MAML2: variants seen among roughly 807,000 people sequenced by gnomAD.
MAML2 encodes mastermind-like protein 2.
MAML2 carries 22 observed loss-of-function variants against 96.1 expected under a neutral mutation model. That is an observed-to-expected ratio of 0.23 (90% CI 0.16 to 0.33). The LOEUF (loss-of-function observed/expected upper bound fraction) is 0.33. MAML2 is among the 10% of genes least tolerant of loss of function. MAML2 has a pLI of 1.00. For synonymous variants in MAML2, 561 were observed against 521.3 expected, an observed-to-expected ratio of 1.08 and a Z score of -1.04; for missense variants, 1,367 against 1,392.4, an observed-to-expected ratio of 0.98 and a Z score of 0.29.
At chr11:96,240,809 A>T (rs549611366) in intron 1 of MAML2, among the ~76,000 whole-genome samples, 1 of 152,290 alleles carries the variant, frequency 6.6e-6, no homozygotes, top group Non-Finnish European at 1.5e-5. Flanking sequence ...AGTCTCATTG[A>T]AGTACGGAAT....
At chr11:96,258,302 A>G (rs1012737165) in intron 1 of MAML2, among the ~76,000 whole-genome samples, 2 of 152,160 alleles carry the variant, frequency 1.3e-5, no homozygotes, top group African/African-American at 4.8e-5. Flanking sequence ...AGTGGAATCC[A>G]CTCCTGACAT....
In MAML2 at chr11:96,093,122, A is replaced by T; in HGVS notation, c.909T>A (p.Asp303Glu). Residue 303 changes from aspartate (D) to glutamate (E), a missense_variant, in exon 2 of 5, where the codon GAT (aspartate) becomes GAA (glutamate). By Grantham distance (45) the Asp-to-Glu change is conservative. Coordinates refer to ENST00000524717, the MANE Select transcript of MAML2 (RefSeq NM_032427.4). The stretch of plus-strand genomic sequence containing the variant: ...CATTGAACAGTTCCTGCAGCTCAGG[A>T]TCCATCAGTTGTTCTCCAGGGTCGT... ...YGDDPGEQLMDPELQELFNEL... is the reference protein window; with the variant it reads ...YGDDPGEQLMEPELQELFNEL... 6.2e-7 allele frequency: 1 copy of T among 1,613,964 alleles called. No homozygotes were observed. Among genetic ancestry groups the T allele is most frequent in the South Asian group, 1.1e-5 (1 of 91,072 alleles).
chr11:96,300,894 C>T lies in MAML2; in HGVS notation c.513+40489G>A, dbSNP rs146266215. 2.6e-4 allele frequency among the ~76,000 whole-genome samples: 39 copies of T among 152,276 alleles called. No individual in the cohort carries two copies. The East Asian group carries it at 4.6e-3, about 18-fold the overall frequency. On this transcript the variant is annotated intron_variant, in intron 1 of 4. Coordinates refer to ENST00000524717, the MANE Select transcript of MAML2 (RefSeq NM_032427.4). The stretch of plus-strand genomic sequence containing the variant: ...TAGGTCCTGGATTGGCTATTGACTC[C>T]GGAATCTTGGTCACATTATCTAAAA...
rs984648906 is a variant in MAML2 at position 96,341,541 on chromosome 11, C to A, written c.355G>T (p.Ala119Ser). The A allele has an allele frequency of 6.5e-7, 1 of 1,549,974 alleles. No homozygotes were observed. The highest frequency in any genetic ancestry group is 8.7e-7 in the Non-Finnish European group (1 of 1,146,602). ...GGGGGCGGTGGGGCTGCTGTTGCTG[C>A]TGCTTGGGAGGCCGCAGGAGGGGCA... ...PAAPPAASQA[A>S]ATAAPPPPPD... Residue 119 changes from alanine (A) to serine (S), a missense_variant, in exon 1 of 5, where the codon GCA becomes TCA. Transcript: ENST00000524717.
intron 1 of MAML2, among the ~76,000 whole-genome samples, chr11:96,303,704 A>T (rs73531140): frequency 0.17 from 26,155 of 152,144 alleles, 2,701 homozygotes; most frequent in African/African-American, 0.27. Flanking sequence ...ATGAGTGTCC[A>T]GCAAGAACAG....
chr11:96,277,489 G>A (rs981661043), intron 1 of MAML2, among the ~76,000 whole-genome samples: 5 of 151,948 alleles, frequency 3.3e-5, no homozygotes, highest in African/African-American at 1.2e-4. Context: ...GGTGGCTCAC[G>A]CCTGTAATCC....
intron 1 of MAML2, among the ~76,000 whole-genome samples, chr11:96,178,598 G>T (rs1565239147): frequency 6.6e-6 from 1 of 152,060 alleles, no homozygotes; most frequent in Admixed American, 6.6e-5. Flanking sequence ...ACAACCAATC[G>T]CCTAAAACTA....
rs1382559107 is a variant in MAML2, at chr11:96,326,363, G to C, written c.513+15020C>G. 2.5e-3 allele frequency among the ~76,000 whole-genome samples: 328 copies of C among 133,544 alleles called. 2 individuals carry two copies. The East Asian group carries it at 0.062, about 25-fold the overall frequency. 87.6% of individuals were successfully genotyped at this position (133,544 alleles called of 152,430 possible). A position where few individuals can be genotyped will look rare whatever the true frequency, so the allele number is the denominator to read the frequency against. On this transcript the variant is annotated intron_variant, in intron 1 of 4. Coordinates refer to ENST00000524717, the MANE Select transcript of MAML2 (RefSeq NM_032427.4). ...TATTTTTAATCACACTAAAGCGTGTGTGTGTGTGTGTGTGTGTGTGTGTGC... is the reference window on the plus strand; with the variant it reads ...TATTTTTAATCACACTAAAGCGTGTCTGTGTGTGTGTGTGTGTGTGTGTGC...
At chr11:95,980,495 A>C (rs933710376) in intron 4 of MAML2, among the ~76,000 whole-genome samples, 2 of 152,162 alleles carry the variant, frequency 1.3e-5, no homozygotes, top group African/African-American at 4.8e-5. Flanking sequence ...CCCAGTGTTC[A>C]AAGGGTAAAT....
At chr11:96,249,888 T>A (rs1353549074) in intron 1 of MAML2, among the ~76,000 whole-genome samples, 2 of 152,174 alleles carry the variant, frequency 1.3e-5, no homozygotes, top group Non-Finnish European at 2.9e-5. Context: ...CTGTCTTACT[T>A]AGAATAAGAC....
In MAML2 at chr11:96,029,962, G is replaced by A. The variant is rs376087892; in HGVS notation, c.2140-38239C>T. Among the ~76,000 whole-genome samples the A allele has an allele frequency of 5.9e-4, 90 of 152,222 alleles. 1 individual carries two copies. Among genetic ancestry groups the A allele is most frequent in the African/African-American group, 2.1e-3 (86 of 41,538 alleles). ...TTAAAATTCATATGGAGCCAGGCGC[G>A]GTGGCTCACGCCTATAATCCCAGCA... On this transcript the variant is annotated intron_variant, in intron 2 of 4. Coordinates refer to ENST00000524717, the MANE Select transcript of MAML2 (RefSeq NM_032427.4).
intron 2 of MAML2, among the ~76,000 whole-genome samples, chr11:96,001,377 T>A (rs961701636): frequency 1.3e-5 from 2 of 152,186 alleles, no homozygotes; most frequent in East Asian, 3.8e-4. Flanking sequence ...ATTCTGCAAC[T>A]TTAGAAGGAT....
At chr11:96,166,591 T>C (rs1441994898) in intron 1 of MAML2, among the ~76,000 whole-genome samples, 1 of 152,174 alleles carries the variant, frequency 6.6e-6, no homozygotes, top group Non-Finnish European at 1.5e-5. Flanking sequence ...CGAATGTCAA[T>C]AGCTAAAGCA....
In MAML2 at chr11:96,125,129, A is replaced by C. The variant is rs911208927; in HGVS notation, c.514-31612T>G. ...AGACATTGCTGGCTTTTCCTAAGGG[A>C]GTTAATGAGTTGCCCTTGAATGACC... On this transcript the variant is annotated intron_variant, in intron 1 of 4. Transcript: ENST00000524717. Among the ~76,000 whole-genome samples the C allele has an allele frequency of 3.9e-5, 6 of 152,172 alleles. No homozygotes were observed. In the East Asian group the frequency reaches 9.6e-4, roughly 24 times the overall value.
chr11:96,032,254 C>T (rs895726082), intron 2 of MAML2, among the ~76,000 whole-genome samples: 7 of 151,824 alleles, frequency 4.6e-5, no homozygotes, highest in Admixed American at 1.3e-4. Flanking sequence ...ACCATATGAC[C>T]GAAGAATCCC....
chr11:96,047,926 A>G (rs1410500566), intron 2 of MAML2, among the ~76,000 whole-genome samples: 4 of 141,434 alleles, frequency 2.8e-5, no homozygotes, highest in African/African-American at 7.9e-5. Context: ...AAAAAAAAAA[A>G]AAAAAAAAGA....
intron 1 of MAML2, among the ~76,000 whole-genome samples, chr11:96,177,108 A>C (rs4310569): frequency 0.71 from 107,678 of 151,974 alleles, 39,012 homozygotes; most frequent in Middle Eastern, 0.86. Context: ...AGGAGAATGT[A>C]ATTTTACTGA....
intron 1 of MAML2, among the ~76,000 whole-genome samples, chr11:96,225,827 T>C (rs1023788954): frequency 6.9e-5 from 10 of 145,320 alleles, no homozygotes; most frequent in African/African-American, 1.0e-4. Context: ...AGCGAGACAC[T>C]ATCTCAAAAA....
chr11:96,328,845 T>C (rs1863818846), intron 1 of MAML2, among the ~76,000 whole-genome samples: 1 of 152,182 alleles, frequency 6.6e-6, no homozygotes, highest in African/African-American at 2.4e-5. Context: ...AAAGAGGCAG[T>C]GGATTGAATT....
Sources: gnomAD v4.1 joint callset for allele counts (sites outside exome capture counted in the v4.1 genomes callset) on GRCh38, gnomAD v4.1.1 for gene constraint, MANE v1.5 for transcripts, NCBI Gene and HGNC (gene_info 2026-07-23, HGNC 2026-07-21) for gene names.